PNMA6E: variants seen among roughly 807,000 people sequenced by gnomAD.
PNMA6E encodes the protein PNMA family member 6E.
For missense variants in PNMA6E, 78 were observed against 50.8 expected, an observed-to-expected ratio of 1.53 and a Z score of -1.63; for synonymous variants, 43 against 17.1, an observed-to-expected ratio of 2.52 and a Z score of -3.74.
chrX:153,407,191 G>A, the PNMA6E span, among the ~76,000 whole-genome samples: 1 of 112,721 alleles, frequency 8.9e-6, no homozygotes, highest in Non-Finnish European at 1.9e-5. Flanking sequence ...CAGCCTCCGG[G>A]CCAGTAGATG....
At chrX:153,405,329 C>T (rs1363442578), upstream of PNMA6E, among the ~76,000 whole-genome samples, 2 of 112,056 alleles carry the variant, frequency 1.8e-5, no homozygotes, top group African/African-American at 3.2e-5. Context: ...TTGAAGAATA[C>T]GTCCACAAAC....
upstream of PNMA6E, chrX:153,404,222 CA>C (rs1200239257): frequency 1.8e-5 from 2 of 109,511 alleles, no homozygotes; most frequent in African/African-American, 6.7e-5. Context: ...TCAAGCAATC[CA>C]CCCACCTCAG....
the PNMA6E span, among the ~76,000 whole-genome samples, chrX:153,410,487 C>T: frequency 5.4e-5 from 6 of 111,613 alleles, no homozygotes; most frequent in Non-Finnish European, 1.1e-4. Context: ...CCTGCCTCTG[C>T]GCCGGGAAAG....
chrX:153,411,475 C>G, the PNMA6E span, among the ~76,000 whole-genome samples: 56 of 112,512 alleles, frequency 5.0e-4, no homozygotes, highest in Admixed American at 9.2e-4. Flanking sequence ...CGGCCCCGCC[C>G]GCTCCCGGCC....
At chrX:153,399,310 TG>T (rs2088832848) in intron 1 of PNMA6E, among the ~76,000 whole-genome samples, 1 of 27,175 alleles carries the variant, frequency 3.7e-5, no homozygotes, top group African/African-American at 1.2e-4. Flanking sequence ...TCTTGTGTGT[TG>T]TGTGTGTGTG....
At position 153,398,642 on chromosome X, in the gene PNMA6E, C is replaced by T. The variant is rs1602873713; in HGVS notation, c.208G>A (p.Ala70Thr). The T allele has an allele frequency of 1.2e-5, 4 of 330,118 alleles. No individual in the cohort carries two copies. The highest frequency in any genetic ancestry group is 5.3e-5 in the African/African-American group (2 of 37,636). 27.2% of individuals were successfully genotyped at this position (330,118 alleles called of 1,213,427 possible). A position where few individuals can be genotyped will look rare whatever the true frequency, so the allele number is the denominator to read the frequency against. ...LGAKAALVEF[A>T]EYLNRSLIPH... is the part of the protein sequence containing the mutation. ...ATCAAGCTTCGGTTTAAATACTCAG[C>T]GAACTCCACCAAGGCTGCCTTGGCC... Residue 70 changes from alanine to threonine, a missense_variant, in exon 2 of 2, where the codon GCT becomes ACT. Transcript: ENST00000445091.
the PNMA6E span, among the ~76,000 whole-genome samples, chrX:153,409,955 T>A: frequency 8.9e-6 from 1 of 112,670 alleles, no homozygotes; most frequent in Admixed American, 9.3e-5. Flanking sequence ...AGGAGGACTC[T>A]GGGCTCAGCC....
the PNMA6E span, among the ~76,000 whole-genome samples, chrX:153,409,444 C>G: frequency 8.8e-6 from 1 of 113,077 alleles, no homozygotes; most frequent in Non-Finnish European, 1.9e-5. Flanking sequence ...TGAGGACCGC[C>G]GGGAGGGCCC....
At chrX:153,403,193 C>T (rs782314225), upstream of PNMA6E, among the ~76,000 whole-genome samples, 11 of 112,119 alleles carry the variant, frequency 9.8e-5, no homozygotes, top group Middle Eastern at 4.6e-3. Context: ...TATTGTCCCA[C>T]AGCTCACTGA....
chrX:153,412,649 C>T, the PNMA6E span, among the ~76,000 whole-genome samples: 1 of 111,555 alleles, frequency 9.0e-6, no homozygotes, highest in Non-Finnish European at 1.9e-5. Context: ...ATTCTAGGCA[C>T]AAGGAATCCC....
At chrX:153,406,574 G>C in the PNMA6E span, among the ~76,000 whole-genome samples, 1 of 112,837 alleles carries the variant, frequency 8.9e-6, no homozygotes, top group East Asian at 2.8e-4. Flanking sequence ...ACGCACCAAT[G>C]CTGCGGAGGC....
At position 153,396,790 on chromosome X, in the gene PNMA6E, G is replaced by T. The variant is rs2088810415; in HGVS notation, c.*116C>A. The stretch of plus-strand genomic sequence containing the variant: ...GGGTGGTGGCCAGAGCCCCTTGGGG[G>T]AGGTGGGGGGCCCTTACTCCTGAAT... On this transcript the variant is annotated 3_prime_UTR_variant, in exon 2 of 2. Transcript: ENST00000445091. The T allele has an allele frequency of 1.4e-5, 4 of 295,346 alleles. No individual in the cohort carries two copies. Among genetic ancestry groups the T allele is most frequent in the African/African-American group, 2.7e-5 (1 of 36,684 alleles). The allele number at this position is 295,346 out of a possible 1,213,427, so 24.3% of individuals were successfully genotyped here. A position where few individuals can be genotyped will look rare whatever the true frequency, so the allele number is the denominator to read the frequency against.
At chrX:153,411,977 A>C in the PNMA6E span, among the ~76,000 whole-genome samples, 3 of 112,781 alleles carry the variant, frequency 2.7e-5, no homozygotes, top group African/African-American at 9.6e-5. Flanking sequence ...ACCGGTCCCG[A>C]GGCTGGCTAA....
At chrX:153,413,491 GGGCCGGCAGTGGCACC>G in the PNMA6E span, among the ~76,000 whole-genome samples, 4 of 109,440 alleles carry the variant, frequency 3.7e-5, no homozygotes, top group Non-Finnish European at 7.6e-5. Flanking sequence ...AGCCCTGGAG[GGGCCGGCAGTGGCACC>G]GGTCACCCAG....
chrX:153,409,075 G>T, the PNMA6E span, among the ~76,000 whole-genome samples: 10 of 112,973 alleles, frequency 8.9e-5, no homozygotes, highest in East Asian at 2.5e-3. Context: ...GTGACCTGGC[G>T]GGTGCCCACG....
rs782614816 is a variant in PNMA6E at position 153,396,970 on chromosome X, G to A, written c.1880C>T (p.Pro627Leu). ...GGCCCCATCCTCATCCTCGTTTTCC[G>A]GCTCCTCCAAGATGGTCTGGAGCCC... ...LEGLQTILEE[P>L]ENEDEDGAGD... Residue 627 changes from proline (P) to leucine (L), a missense_variant, in exon 2 of 2, where the codon CCG becomes CTG. Transcript: ENST00000445091. The A allele has an allele frequency of 5.1e-5, 15 of 296,415 alleles. No homozygotes were observed. The highest frequency in any genetic ancestry group is 2.0e-4 in the South Asian group (1 of 4,901). 24.4% of individuals were successfully genotyped at this position (296,415 alleles called of 1,213,427 possible).
rs1401025736 is a variant in PNMA6E at position 153,396,253 on chromosome X, G to C, written c.*653C>G. ...CAGCCCCTGGCCTAGATCTACGCCA[G>C]GAAAGCAGAGGTGGTGCTCACGATG... On this transcript the variant is annotated 3_prime_UTR_variant, in exon 2 of 2. Coordinates refer to ENST00000445091, the MANE Select transcript of PNMA6E (RefSeq NM_001367770.1). The C allele has an allele frequency of 1.6e-5, 2 of 122,653 alleles. No individual in the cohort carries two copies. Among genetic ancestry groups the C allele is most frequent in the African/African-American group, 6.5e-5 (2 of 30,892 alleles). 10.1% of individuals were successfully genotyped at this position (122,653 alleles called of 1,213,427 possible).
chrX:153,412,800 T>C, the PNMA6E span, among the ~76,000 whole-genome samples: 553 of 111,430 alleles, frequency 5.0e-3, 2 homozygotes, highest in African/African-American at 0.017. Context: ...GACACGGGCA[T>C]CCCAGGGATA....
Position 153,397,564 on chromosome X carries a change from A to G in PNMA6E, c.1286T>C (p.Leu429Pro). The G allele has an allele frequency of 3.3e-6, 1 of 298,783 alleles. No individual in the cohort carries two copies. 24.6% of individuals were successfully genotyped at this position (298,783 alleles called of 1,213,427 possible). A position where few individuals can be genotyped will look rare whatever the true frequency, so the allele number is the denominator to read the frequency against. Reference sequence around the variant, plus strand: ...CACAGCCCTCTGCAGCAGGCCTTCCAGGCGCACCACGAAGGCAAACAGCCC... The same window carrying G: ...CACAGCCCTCTGCAGCAGGCCTTCCGGGCGCACCACGAAGGCAAACAGCCC... Reference protein sequence around the residue: ...QEGLFAFVVRLEGLLQRAVEK... With the variant: ...QEGLFAFVVRPEGLLQRAVEK... Residue 429 changes from leucine (L) to proline (P), a missense_variant, in exon 2 of 2, where the codon CTG becomes CCG. Coordinates refer to ENST00000445091, the MANE Select transcript of PNMA6E (RefSeq NM_001367770.1).
Sources: gnomAD v4.1 joint callset for allele counts (sites outside exome capture counted in the v4.1 genomes callset) on GRCh38, gnomAD v4.1.1 for gene constraint, MANE v1.5 for transcripts, NCBI Gene and HGNC (gene_info 2026-07-23, HGNC 2026-07-21) for gene names.